The following KIRREL3 variants were observed in gnomAD, a reference collection of about 807,000 sequenced individuals.
The protein encoded by KIRREL3 is kin of IRRE-like protein 3.
KIRREL3 carries 36 observed loss-of-function variants against 89.7 expected under a neutral mutation model. That is an observed-to-expected ratio of 0.40 (90% CI 0.31 to 0.53). KIRREL3 has a LOEUF of 0.53. Ranked by LOEUF, KIRREL3 falls within the 20% of genes least tolerant of loss-of-function variation. The pLI, the probability that KIRREL3 is intolerant of heterozygous loss-of-function variation, is 0.49. For missense variants in KIRREL3, 864 were observed against 1,056.6 expected (o/e 0.82, Z 2.53); for synonymous variants, 445 against 441.4 (o/e 1.01, Z -0.10).
rs1370158638 is a variant in KIRREL3, at chr11:126,515,878, TG to T, written c.433+5436del. On this transcript the variant is annotated intron_variant, in intron 4 of 16. Coordinates refer to ENST00000525144, the MANE Select transcript of KIRREL3 (RefSeq NM_032531.4). This position sits in a 1 kb window ranked among gnomAD's most constrained non-coding sequence, Gnocchi z 4.2. ...GGATGGGTTTCTTGCAACCAGTTTCTGGAAGAATGGTTTAGAAGCCAGCACC... is the reference window on the plus strand; with the variant it reads ...GGATGGGTTTCTTGCAACCAGTTTCTGAAGAATGGTTTAGAAGCCAGCACC... Among the ~76,000 whole-genome samples, 1 of 152,216 alleles carries T rather than the reference TG, an allele frequency of 6.6e-6. No homozygotes were observed. Among genetic ancestry groups the T allele is most frequent in the Non-Finnish European group, 1.5e-5 (1 of 68,048 alleles).
At chr11:126,637,925 G>A (rs1204325663) in intron 1 of KIRREL3, among the ~76,000 whole-genome samples, 1 of 152,226 alleles carries the variant, frequency 6.6e-6, no homozygotes, top group African/African-American at 2.4e-5. Flanking sequence ...CATGCCAAGA[G>A]CACAGTGGGA....
chr11:126,609,755 G>A lies in KIRREL3; in HGVS notation c.56-46843C>T, dbSNP rs887334596. ...AATCGGTATGGGGGTGTGGCTACAA[G>A]GTTTCAGAGCTCCCCAGTATTCTAA... On this transcript the variant is annotated intron_variant, in intron 1 of 16. Transcript: ENST00000525144. This position sits in a 1 kb window ranked among gnomAD's most constrained non-coding sequence, Gnocchi z 5.0. Among the ~76,000 whole-genome samples the A allele has an allele frequency of 6.6e-6, 1 of 152,180 alleles. No individual in the cohort carries two copies. Among genetic ancestry groups the A allele is most frequent in the African/African-American group, 2.4e-5 (1 of 41,432 alleles).
chr11:126,824,922 A>G (rs1592181518), intron 1 of KIRREL3, among the ~76,000 whole-genome samples: 1 of 152,326 alleles, frequency 6.6e-6, no homozygotes, highest in Non-Finnish European at 1.5e-5. Context: ...GAGGCCCACA[A>G]GGAATTTCCT....
At position 126,690,361 on chromosome 11, in the gene KIRREL3, G is replaced by GTTTTTTTTTTTT. The variant is rs368699048; in HGVS notation, c.56-127450_56-127449insAAAAAAAAAAAA. ...TTGAAAGAAATTAGTTCTAAGCAGGGGTTTTTTTTTTTTTTCCCATTAGTT... is the reference window on the plus strand; with the variant it reads ...TTGAAAGAAATTAGTTCTAAGCAGGGTTTTTTTTTTTTGTTTTTTTTTTTTTTCCCATTAGTT... On this transcript the variant is annotated intron_variant, in intron 1 of 16. Transcript: ENST00000525144. Among the ~76,000 whole-genome samples, 2 of 144,440 alleles carry GTTTTTTTTTTTT rather than the reference G, an allele frequency of 1.4e-5. 1 individual carries two copies. The allele number at this position is 144,440 out of a possible 152,430, so 94.8% of individuals were successfully genotyped here. A position where few individuals can be genotyped will look rare whatever the true frequency, so the allele number is the denominator to read the frequency against.
intron 10 of KIRREL3, among the ~76,000 whole-genome samples, chr11:126,444,769 G>A (rs1383396299): frequency 6.6e-6 from 1 of 152,152 alleles, no homozygotes; most frequent in Non-Finnish European, 1.5e-5. Flanking sequence ...CAAAAAGAGA[G>A]GTGACTAGAA....
chr11:126,461,002 T>C (rs1956521637), intron 6 of KIRREL3, among the ~76,000 whole-genome samples: 1 of 152,124 alleles, frequency 6.6e-6, no homozygotes, highest in African/African-American at 2.4e-5. Context: ...GTAGGAAGCT[T>C]GGATGCTCTG....
chr11:126,663,941 G>C (rs1045105085), intron 1 of KIRREL3, among the ~76,000 whole-genome samples: 1 of 152,258 alleles, frequency 6.6e-6, no homozygotes, highest in African/African-American at 2.4e-5. Context: ...AAGCCCTAGA[G>C]TTGGGCTAGC....
chr11:126,670,408 G>A (rs550348149), intron 1 of KIRREL3, among the ~76,000 whole-genome samples: 1 of 152,140 alleles, frequency 6.6e-6, no homozygotes, highest in Non-Finnish European at 1.5e-5. Context: ...GAGAATATCT[G>A]TTCTCACCAC....
chr11:126,935,717 G>A (rs1948157445), intron 1 of KIRREL3: 1 of 152,158 alleles, frequency 6.6e-6, no homozygotes, highest in African/African-American at 2.4e-5. Flanking sequence ...TGGTTGCCAG[G>A]GTTTGTGGGG....
In KIRREL3 at chr11:126,715,648, C is replaced by T. The variant is rs1046988585; in HGVS notation, c.56-152736G>A. On this transcript the variant is annotated intron_variant, in intron 1 of 16. Transcript: ENST00000525144. The surrounding 1 kb of genome is among the most constrained non-coding windows in gnomAD (Gnocchi z 4.4). ...AACAAGAGGAAAAGGGACTACAGCA[C>T]GTGAAACATACTAAAGAGAAGAGCA... Among the ~76,000 whole-genome samples, 3 of 151,970 alleles carry T rather than the reference C, an allele frequency of 2.0e-5. No individual in the cohort carries two copies. Among genetic ancestry groups the T allele is most frequent in the East Asian group, 1.9e-4 (1 of 5,178 alleles).
intron 3 of KIRREL3, among the ~76,000 whole-genome samples, chr11:126,524,878 T>C (rs1958701297): frequency 6.6e-6 from 1 of 152,196 alleles, no homozygotes. Context: ...TAATTGAGCA[T>C]GTAAGTATCT....
chr11:126,809,972 G>T (rs1951325581), intron 1 of KIRREL3, among the ~76,000 whole-genome samples: 1 of 152,162 alleles, frequency 6.6e-6, no homozygotes, highest in Non-Finnish European at 1.5e-5. Flanking sequence ...ATCTCTCTGT[G>T]ATGACATGTC....
intron 9 of KIRREL3, 43 bp downstream of exon 9, chr11:126,446,716 G>A (rs1193556913): frequency 5.7e-6 from 9 of 1,569,250 alleles, no homozygotes; most frequent in Middle Eastern, 1.8e-4. Context: ...CACTGTCCCC[G>A]CCCCCTGCCA....
chr11:126,972,168 T>TAGAGAGAGAGAGAGAGAG (rs61426707), intron 1 of KIRREL3, among the ~76,000 whole-genome samples: 7,360 of 119,372 alleles, frequency 0.062, 663 homozygotes, highest in Non-Finnish European at 0.091. Context: ...GAGGGTCTGG[T>TAGAGAGAGAGAGAGAGAG]AGAGAGAGAG....
chr11:126,811,294 C>T lies in KIRREL3; in HGVS notation c.55+189161G>A, dbSNP rs1275530054. ...TTTCATCCTCTTTCTTCAGAGAGAACTTTGACCCAGAACCGAGTGACTGTT... is the reference window on the plus strand; with the variant it reads ...TTTCATCCTCTTTCTTCAGAGAGAATTTTGACCCAGAACCGAGTGACTGTT... On this transcript the variant is annotated intron_variant, in intron 1 of 16. Transcript: ENST00000525144. The surrounding 1 kb of genome is among the most constrained non-coding windows in gnomAD (Gnocchi z 4.3). Among the ~76,000 whole-genome samples, 2 of 152,188 alleles carry T rather than the reference C, an allele frequency of 1.3e-5. No homozygotes were observed. The highest frequency in any genetic ancestry group is 4.8e-5 in the African/African-American group (2 of 41,446).
In KIRREL3 at chr11:126,684,209, G is replaced by A. The variant is rs1421376073; in HGVS notation, c.56-121297C>T. ...GCAATATGGTGGGAGGAGCCGGGCTGGAGGCTGCAGACTCTGCCTCTGTGC... is the reference window on the plus strand; with the variant it reads ...GCAATATGGTGGGAGGAGCCGGGCTAGAGGCTGCAGACTCTGCCTCTGTGC... On this transcript the variant is annotated intron_variant, in intron 1 of 16. Transcript: ENST00000525144. The surrounding 1 kb of genome is among the most constrained non-coding windows in gnomAD (Gnocchi z 4.2). 1.3e-5 allele frequency among the ~76,000 whole-genome samples: 2 copies of A among 152,208 alleles called. No homozygotes were observed. Among genetic ancestry groups the A allele is most frequent in the Admixed American group, 6.5e-5 (1 of 15,288 alleles).
rs547169735 is a variant in KIRREL3, at chr11:126,788,621, C to T, written c.55+211834G>A. ...GTTCTGCCAGGCTGTGCTGCAGTTG[C>T]TATGTCTTGGGTTAAAAGTCTGTTT... On this transcript the variant is annotated intron_variant, in intron 1 of 16. Transcript: ENST00000525144. The surrounding 1 kb of genome is among the most constrained non-coding windows in gnomAD (Gnocchi z 4.1). Among the ~76,000 whole-genome samples, 1 of 152,272 alleles carries T rather than the reference C, an allele frequency of 6.6e-6. No homozygotes were observed. Among genetic ancestry groups the T allele is most frequent in the African/African-American group, 2.4e-5 (1 of 41,564 alleles).
intron 1 of KIRREL3, among the ~76,000 whole-genome samples, chr11:126,646,414 C>G (rs1051066471): frequency 6.6e-6 from 1 of 151,750 alleles, no homozygotes; most frequent in Non-Finnish European, 1.5e-5. Flanking sequence ...TGATTTAAAA[C>G]TCTTGTCTAA....
At position 126,825,570 on chromosome 11, in the gene KIRREL3, GGTGATAA is replaced by G. The variant is rs1376988193; in HGVS notation, c.55+174878_55+174884del. ...TCTGAATATACCTGAGATTTTAAAT[GGTGATAA>G]AAATCACAGGCTACTGCTGTTACCA... On this transcript the variant is annotated intron_variant, in intron 1 of 16. Coordinates refer to ENST00000525144, the MANE Select transcript of KIRREL3 (RefSeq NM_032531.4). 3.9e-5 allele frequency among the ~76,000 whole-genome samples: 6 copies of G among 152,210 alleles called. No homozygotes were observed. In the East Asian group the frequency reaches 1.2e-3, roughly 29 times the overall value.
Sources: allele counts gnomAD v4.1 joint callset (sites outside exome capture counted in the v4.1 genomes callset), GRCh38; gene constraint gnomAD v4.1.1; non-coding constraint Gnocchi (gnomAD v3.1); transcripts MANE v1.5; gene names NCBI Gene and HGNC (gene_info 2026-07-23, HGNC 2026-07-21).